The following SBF2 variants were observed in gnomAD, a reference collection of about 807,000 sequenced individuals.
The protein encoded by SBF2 is myotubularin-related protein 13.
In SBF2, 112 loss-of-function variants were observed where a neutral mutation model predicts 225.2. The ratio of observed to expected loss-of-function variants is 0.50; its 90% confidence interval spans 0.43 to 0.58. The LOEUF (loss-of-function observed/expected upper bound fraction) is 0.58, where lower values mean the gene tolerates loss of function less well. SBF2 is among the 20% of genes least tolerant of loss of function. The pLI is 0.00. For synonymous variants in SBF2, 763 were observed against 773.3 expected, an observed-to-expected ratio of 0.99 and a Z score of 0.22; for missense variants, 1,996 against 2,206.2, an observed-to-expected ratio of 0.90 and a Z score of 1.91.
At chr11:10,251,165 G>A (rs1248790932) in intron 1 of SBF2, among the ~76,000 whole-genome samples, 2 of 152,182 alleles carry the variant, frequency 1.3e-5, no homozygotes, top group Non-Finnish European at 2.9e-5. Flanking sequence ...AAGGCCCGAT[G>A]TAGATGCGAA....
At chr11:9,847,173 G>T in intron 22 of SBF2, 90 bp from the exon 23 acceptor site, 1 of 1,515,312 alleles carries the variant, frequency 6.6e-7, no homozygotes. Flanking sequence ...CTCTGCTAGA[G>T]AAATGTATTT....
At chr11:9,934,163 G>C (rs1279976932) in intron 16 of SBF2, among the ~76,000 whole-genome samples, 1 of 152,144 alleles carries the variant, frequency 6.6e-6, no homozygotes, top group African/African-American at 2.4e-5. Flanking sequence ...ACTACCATCA[G>C]AGAATACTAT....
chr11:10,236,427 T>A (rs1959078564), intron 1 of SBF2, among the ~76,000 whole-genome samples: 1 of 152,084 alleles, frequency 6.6e-6, no homozygotes, highest in Admixed American at 6.5e-5. Flanking sequence ...TACACCACTG[T>A]ACTCCAGCCT....
chr11:9,998,689 G>A (rs1379841025), intron 8 of SBF2, among the ~76,000 whole-genome samples: 1 of 152,180 alleles, frequency 6.6e-6, no homozygotes, highest in Admixed American at 6.5e-5. Flanking sequence ...CCCTTAGACT[G>A]AAATTATTAA....
rs59123968 is a variant in SBF2, at chr11:9,871,508, T to TA, written c.1930-13113_1930-13112insT. On this transcript the variant is annotated intron_variant, in intron 17 of 39. Coordinates refer to ENST00000256190, the MANE Select transcript of SBF2 (RefSeq NM_030962.4). The stretch of plus-strand genomic sequence containing the variant: ...TTATTATTATTATTATTATTATTAT[T>TA]TTGAGATGAGTCTCACTCTGTTGCC... Among the ~76,000 whole-genome samples, 122 of 148,390 alleles carry TA rather than the reference T, an allele frequency of 8.2e-4. 1 individual carries two copies. The highest frequency in any genetic ancestry group is 1.6e-3 in the Non-Finnish European group (107 of 67,374).
chr11:10,013,130 G>C (rs1948519012), intron 6 of SBF2, among the ~76,000 whole-genome samples: 1 of 152,182 alleles, frequency 6.6e-6, no homozygotes, highest in South Asian at 2.1e-4. Flanking sequence ...GTTCTTCTAA[G>C]ACTTTCTCCT....
chr11:10,123,345 G>C (rs796790714), intron 2 of SBF2, among the ~76,000 whole-genome samples: 8 of 152,208 alleles, frequency 5.3e-5, no homozygotes, highest in African/African-American at 1.9e-4. Flanking sequence ...ATTTATGACA[G>C]ACACTTTGAG....
At chr11:10,118,829 T>C (rs537603869) in intron 2 of SBF2, among the ~76,000 whole-genome samples, 13 of 151,874 alleles carry the variant, frequency 8.6e-5, no homozygotes, top group Admixed American at 5.9e-4. Context: ...ACACCCTCTA[T>C]CTCTAAATTA....
chr11:9,959,570 G>T, intron 16 of SBF2: 1 of 771,314 alleles, frequency 1.3e-6, no homozygotes, highest in South Asian at 1.3e-5. Flanking sequence ...ATGGCAGCAG[G>T]CATGAGATAC....
intron 2 of SBF2, among the ~76,000 whole-genome samples, chr11:10,061,660 G>A (rs1328952144): frequency 6.6e-6 from 1 of 151,958 alleles, no homozygotes; most frequent in African/African-American, 2.4e-5. Flanking sequence ...TCTACAATGA[G>A]AATTACAAAA....
At chr11:10,118,272 T>C (rs1953260956) in intron 2 of SBF2, among the ~76,000 whole-genome samples, 2 of 152,190 alleles carry the variant, frequency 1.3e-5, no homozygotes, top group Admixed American at 6.5e-5. Context: ...TTTAAAGTAA[T>C]ACTTATGTCC....
intron 16 of SBF2, among the ~76,000 whole-genome samples, chr11:9,945,130 C>G (rs535471883): frequency 2.0e-5 from 3 of 151,174 alleles, no homozygotes; most frequent in Non-Finnish European, 4.4e-5. Context: ...CATATGGGAC[C>G]AAAAAAAAGG....
intron 1 of SBF2, among the ~76,000 whole-genome samples, chr11:10,273,628 T>C (rs1962718395): frequency 6.6e-6 from 1 of 152,224 alleles, no homozygotes. Context: ...AACAAAGATG[T>C]CCCTTCCCAC....
intron 13 of SBF2, among the ~76,000 whole-genome samples, chr11:9,984,100 G>C (rs1376371062): frequency 2.6e-5 from 4 of 152,134 alleles, no homozygotes; most frequent in African/African-American, 9.7e-5. Context: ...ACCTGAAAAA[G>C]AACTCAGGAG....
chr11:10,114,672 C>T (rs1193351284), intron 2 of SBF2, among the ~76,000 whole-genome samples: 1 of 152,160 alleles, frequency 6.6e-6, no homozygotes, highest in Non-Finnish European at 1.5e-5. Flanking sequence ...ATTGTCTGAC[C>T]GCTTTCAAAT....
chr11:10,146,849 C>T (rs1326154288), intron 2 of SBF2, among the ~76,000 whole-genome samples: 2 of 151,820 alleles, frequency 1.3e-5, no homozygotes, highest in Non-Finnish European at 2.9e-5. Context: ...TTCAGCAACT[C>T]TAAGGAACTT....
chr11:10,137,038 A>G (rs969860676), intron 2 of SBF2, among the ~76,000 whole-genome samples: 3 of 152,178 alleles, frequency 2.0e-5, no homozygotes, highest in Admixed American at 1.3e-4. Flanking sequence ...CTTCCAATCT[A>G]TGTACACAGT....
At position 9,897,398 on chromosome 11, in the gene SBF2, C is replaced by T. The variant is rs145903242; in HGVS notation, c.1861-1387G>A. The stretch of plus-strand genomic sequence containing the variant: ...GATTATAGGCACATGCCACCACACT[C>T]GGCTAATTTTTATATTTTTAGTAGA... On this transcript the variant is annotated intron_variant, in intron 16 of 39. Transcript: ENST00000256190. Among the ~76,000 whole-genome samples the T allele has an allele frequency of 6.3e-3, 963 of 152,126 alleles. 3 individuals are homozygous for T. Among genetic ancestry groups the T allele is most frequent in the African/African-American group, 0.022 (930 of 41,496 alleles).
chr11:10,269,620 AT>A (rs1237550632), intron 1 of SBF2, among the ~76,000 whole-genome samples: 1 of 152,240 alleles, frequency 6.6e-6, no homozygotes, highest in East Asian at 1.9e-4. Context: ...CAACATCTCT[AT>A]GAGGTAGATA....
Sources: allele counts gnomAD v4.1 joint callset (sites outside exome capture counted in the v4.1 genomes callset), GRCh38; gene constraint gnomAD v4.1.1; transcripts MANE v1.5; gene names NCBI Gene and HGNC (gene_info 2026-07-23, HGNC 2026-07-21).